Variants in KCNA6 observed in about 807,000 individuals in gnomAD.
KCNA6 encodes potassium voltage-gated channel subfamily A member 6.
In KCNA6, 17 loss-of-function variants were observed where a neutral mutation model predicts 29.5. The ratio of observed to expected loss-of-function variants is 0.58; its 90% CI spans 0.39 to 0.86. The LOEUF is 0.86. Ranked by LOEUF, KCNA6 falls within the 40% of genes least tolerant of loss-of-function variation. KCNA6 has a pLI of 0.00. For synonymous variants in KCNA6, 296 were observed against 304.7 expected, an observed-to-expected ratio of 0.97 and a Z score of 0.30; for missense variants, 450 against 703.4, an observed-to-expected ratio of 0.64 and a Z score of 4.07.
chr12:4,847,652 T>C, the KCNA6 span, among the ~76,000 whole-genome samples: 1 of 152,216 alleles, frequency 6.6e-6, no homozygotes, highest in Non-Finnish European at 1.5e-5. Context: ...TTTTAATATG[T>C]CTGAAGTTTT....
chr12:4,846,814 T>A, the KCNA6 span, among the ~76,000 whole-genome samples: 1 of 149,060 alleles, frequency 6.7e-6, no homozygotes, highest in African/African-American at 2.5e-5. Context: ...AGTCTCGCTC[T>A]GTTGCCCAGG....
At chr12:4,815,012 G>A (rs1388021452), downstream of KCNA6, among the ~76,000 whole-genome samples, 1 of 152,050 alleles carries the variant, frequency 6.6e-6, no homozygotes, top group Non-Finnish European at 1.5e-5. Flanking sequence ...GCTGGCCCCT[G>A]TAAAAAATTA....
At chr12:4,819,685 C>T in the KCNA6 span, among the ~76,000 whole-genome samples, 2 of 152,230 alleles carry the variant, frequency 1.3e-5, no homozygotes, top group African/African-American at 2.4e-5. Context: ...ACAGCCACTA[C>T]GGCTTCTTAA....
At chr12:4,809,758 T>C in exon 1 of KCNA6, 1 of 364,512 alleles carries the variant, frequency 2.7e-6, no homozygotes. Context: ...CACACGCGCC[T>C]GTGTGCGGTT....
chr12:4,835,134 ATTTTTTTT>A, the KCNA6 span, among the ~76,000 whole-genome samples: 2 of 136,322 alleles, frequency 1.5e-5, no homozygotes, highest in Non-Finnish European at 3.1e-5. Context: ...ACAGAGAATG[ATTTTTTTT>A]TTTTTTTTTT....
the KCNA6 span, among the ~76,000 whole-genome samples, chr12:4,827,204 C>CCCTCCTTCCTT: frequency 2.3e-4 from 28 of 120,390 alleles, 1 homozygote; most frequent in Admixed American, 2.2e-3. Flanking sequence ...TTCCTTCCTT[C>CCCTCCTTCCTT]CCTCCTTCCT....
chr12:4,813,960 T>G (rs1031918808), downstream of KCNA6: 4 of 167,082 alleles, frequency 2.4e-5, no homozygotes, highest in Non-Finnish European at 5.9e-5. Context: ...CGTAGCAACC[T>G]TCCAGACTGT....
Position 4,811,217 on chromosome 12 carries a change from T to G in KCNA6, c.1176T>G (p.Ser392Arg). 1 of 1,614,248 alleles carries G rather than the reference T, an allele frequency of 6.2e-7. No homozygotes were observed. Among genetic ancestry groups the G allele is most frequent in the Non-Finnish European group, 8.5e-7 (1 of 1,180,034 alleles). The change falls in exon 1 of 1, where the codon AGT becomes AGG. Residue 392 changes from serine (S) to arginine (R), a missense_variant. Physicochemically the swap from Ser to Arg is moderately radical, Grantham distance 110 (BLOSUM62 -1). Around this residue, in one of 7 missense-constraint regions of KCNA6, gnomAD observed 57 missense variants for 140.3 expected, o/e 0.41. Coordinates refer to ENST00000280684, the Ensembl canonical transcript of KCNA6. This position sits in a 1 kb window ranked among gnomAD's most constrained non-coding sequence, Gnocchi z 7.1. The stretch of plus-strand genomic sequence containing the variant: ...TCATCGGGGTCATCCTCTTCTCCAG[T>G]GCCGTCTACTTCGCAGAGGCTGACG...
downstream of KCNA6, among the ~76,000 whole-genome samples, chr12:4,815,269 G>A (rs1174914212): frequency 6.6e-6 from 1 of 152,202 alleles, no homozygotes; most frequent in African/African-American, 2.4e-5. Flanking sequence ...GCTAAGGTCT[G>A]TCTGCAGCAG....
At chr12:4,825,702 C>T in the KCNA6 span, among the ~76,000 whole-genome samples, 1 of 152,344 alleles carries the variant, frequency 6.6e-6, no homozygotes, top group East Asian at 1.9e-4. Flanking sequence ...AACACATCCT[C>T]TTCCCTATAG....
the KCNA6 span, among the ~76,000 whole-genome samples, chr12:4,847,422 G>C: frequency 6.6e-6 from 1 of 151,964 alleles, no homozygotes; most frequent in Non-Finnish European, 1.5e-5. Context: ...CCCCTGGGCT[G>C]GTTCTCAAAT....
At chr12:4,819,333 C>T in the KCNA6 span, among the ~76,000 whole-genome samples, 2 of 152,246 alleles carry the variant, frequency 1.3e-5, 1 homozygote, top group Non-Finnish European at 2.9e-5. Flanking sequence ...AGGGACAGAA[C>T]CCACAAGCCA....
chr12:4,819,921 A>G, the KCNA6 span, among the ~76,000 whole-genome samples: 1 of 152,244 alleles, frequency 6.6e-6, no homozygotes, highest in African/African-American at 2.4e-5. Flanking sequence ...GCAGCCAGTG[A>G]AAGAGTTTAG....
chr12:4,837,516 C>G, the KCNA6 span, among the ~76,000 whole-genome samples: 1 of 152,038 alleles, frequency 6.6e-6, no homozygotes, highest in African/African-American at 2.4e-5. Flanking sequence ...GGATCTGATG[C>G]TGTCTCCAGG....
At chr12:4,847,190 C>A in the KCNA6 span, among the ~76,000 whole-genome samples, 1 of 152,070 alleles carries the variant, frequency 6.6e-6, no homozygotes, top group African/African-American at 2.4e-5. Flanking sequence ...CCATTGTCTT[C>A]TAGTTTCTAA....
the KCNA6 span, among the ~76,000 whole-genome samples, chr12:4,825,426 A>T: frequency 1.3e-5 from 2 of 152,154 alleles, no homozygotes; most frequent in African/African-American, 4.8e-5. Flanking sequence ...ATTTTTAAAA[A>T]TTTTTACCAC....
the KCNA6 span, among the ~76,000 whole-genome samples, chr12:4,836,137 A>T: frequency 2.1e-5 from 3 of 145,690 alleles, no homozygotes; most frequent in Non-Finnish European, 4.5e-5. Flanking sequence ...TTTAGTAGAG[A>T]CGGGCTTTCA....
the KCNA6 span, among the ~76,000 whole-genome samples, chr12:4,840,347 A>C: frequency 6.6e-6 from 1 of 152,186 alleles, no homozygotes; most frequent in African/African-American, 2.4e-5. Context: ...CACTTTTCCA[A>C]AGAAGGCATG....
At position 4,811,783 on chromosome 12, in the gene KCNA6, A is replaced by G. The variant is rs1456887504; in HGVS notation, c.*152A>G. The G allele has an allele frequency of 2.0e-5, 17 of 844,526 alleles. No homozygotes were observed. Among genetic ancestry groups the G allele is most frequent in the Admixed American group, 8.2e-5 (3 of 36,654 alleles). 52.3% of individuals were successfully genotyped at this position (844,526 alleles called of 1,614,324 possible). A position where few individuals can be genotyped will look rare whatever the true frequency, so the allele number is the denominator to read the frequency against. ...GCATCCAGGACCAAATACCTGGACT[A>G]TCAACCTTGTTGCTTAATCCCTGCA... On this transcript the variant is annotated 3_prime_UTR_variant, in exon 1 of 1. Transcript: ENST00000280684. This position sits in a 1 kb window ranked among gnomAD's most constrained non-coding sequence, Gnocchi z 7.1.
Sources: gnomAD v4.1 joint callset for allele counts (sites outside exome capture counted in the v4.1 genomes callset) on GRCh38, gnomAD v4.1.1 for gene constraint, gnomAD v4.1.1 regional missense constraint, Gnocchi (gnomAD v3.1) non-coding constraint, MANE v1.5 for transcripts, NCBI Gene and HGNC (gene_info 2026-07-23, HGNC 2026-07-21) for gene names.